Variants in PCDHGA1 observed in about 807,000 individuals in gnomAD.
PCDHGA1 encodes the protein protocadherin gamma subfamily A, 1.
A neutral mutation model predicts 58.0 loss-of-function variants in PCDHGA1; 32 were observed. The observed-to-expected ratio is 0.55, with a 90% CI of 0.42 to 0.74. The LOEUF is 0.74. Ranked by LOEUF, PCDHGA1 falls within the 30% of genes least tolerant of loss-of-function variation. The pLI is 0.00. For missense variants in PCDHGA1, 1,205 were observed against 1,182.3 expected, an observed-to-expected ratio of 1.02 and a Z score of -0.28; for synonymous variants, 498 against 501.1, an observed-to-expected ratio of 0.99 and a Z score of 0.08.
chr5:141,415,740 G>GTTTTTTTTTTTTTTTTTTTTTTTTTT, intron 1 of PCDHGA1: 11 of 617,992 alleles, frequency 1.8e-5, no homozygotes, highest in Middle Eastern at 5.6e-4. Context: ...GTTTATTAAG[G>GTTTTTTTTTTTTTTTTTTTTTTTTTT]TTTTTTTTTT....
At chr5:141,380,260 G>A (rs1776331356) in intron 1 of PCDHGA1, among the ~76,000 whole-genome samples, 1 of 152,114 alleles carries the variant, frequency 6.6e-6, no homozygotes, top group South Asian at 2.1e-4. Context: ...AGGGGAAGGA[G>A]TAAAATCTCA....
In PCDHGA1 at chr5:141,332,687, T is replaced by A. The variant is rs1214345768; in HGVS notation, c.2003T>A (p.Ile668Asn). Residue 668 changes from isoleucine (I) to asparagine (N), a missense_variant, in exon 1 of 4, where the codon ATC becomes AAC. Physicochemically the swap from Ile to Asn is moderately radical, Grantham distance 149. Coordinates refer to ENST00000517417, the MANE Select transcript of PCDHGA1 (RefSeq NM_018912.3). The surrounding 1 kb of genome is among the most constrained non-coding windows in gnomAD (Gnocchi z 4.6). ...VTLTVAVADR[I>N]SDILADLGSL... ...CTCACCGTGGCCGTGGCCGACAGGA[T>A]CTCCGACATCCTGGCCGACCTGGGC... 6.2e-7 allele frequency: 1 copy of A among 1,613,622 alleles called. No individual in the cohort carries two copies. The highest frequency in any genetic ancestry group is 1.3e-5 in the African/African-American group (1 of 74,874).
chr5:141,352,801 C>A, intron 1 of PCDHGA1: 3 of 912,248 alleles, frequency 3.3e-6, no homozygotes, highest in Non-Finnish European at 4.9e-6. Context: ...ACCAGCATAG[C>A]CAAGATGGTA....
intron 1 of PCDHGA1, chr5:141,375,835 C>T (rs772317330): frequency 2.5e-5 from 40 of 1,613,984 alleles, no homozygotes; most frequent in Middle Eastern, 1.6e-4. Context: ...CCGCAGAGCC[C>T]GGCTACCTGG....
At chr5:141,420,386 AT>A (rs2096493306) in intron 1 of PCDHGA1, 1 of 1,284,798 alleles carries the variant, frequency 7.8e-7, no homozygotes, top group African/African-American at 1.5e-5. Flanking sequence ...AGTTCGCAAA[AT>A]ATAGGTCAAA....
At chr5:141,360,406 G>A in intron 1 of PCDHGA1, 1 of 1,613,978 alleles carries the variant, frequency 6.2e-7, no homozygotes. Context: ...TGACAGAATA[G>A]ACCGAGAACA....
chr5:141,394,173 C>T, intron 1 of PCDHGA1: 1 of 1,613,948 alleles, frequency 6.2e-7, no homozygotes, highest in Non-Finnish European at 8.5e-7. Flanking sequence ...TACTTTCCCT[C>T]ATGCCTCCTA....
At position 141,341,077 on chromosome 5, in the gene PCDHGA1, C is replaced by A. The variant is rs768909381; in HGVS notation, c.2421+7972C>A. ...TGGTGGCGGTGGCCGCGGTCTCCTG[C>A]GTCTTCCTGGCCTTCGTCATCGTGT... On this transcript the variant is annotated intron_variant, in intron 1 of 3. Transcript: ENST00000517417. 9 of 1,614,196 alleles carry A rather than the reference C, an allele frequency of 5.6e-6. No homozygotes were observed. The East Asian group carries it at 1.6e-4, about 28-fold the overall frequency.
At chr5:141,482,862 A>G (rs1169526338) in intron 1 of PCDHGA1, among the ~76,000 whole-genome samples, 1 of 152,180 alleles carries the variant, frequency 6.6e-6, no homozygotes, top group Non-Finnish European at 1.5e-5. Context: ...ACTTGAGGTC[A>G]GGAGTTTGAA....
In PCDHGA1 at chr5:141,413,895, T is replaced by C. The variant is rs749075692; in HGVS notation, c.2421+80790T>C. On this transcript the variant is annotated intron_variant, in intron 1 of 3. Transcript: ENST00000517417. ...TCAGTGTGACTGTCTTCGATGCAAATGACAACGCGCCGGTCTTCACCTTGC... is the reference window on the plus strand; with the variant it reads ...TCAGTGTGACTGTCTTCGATGCAAACGACAACGCGCCGGTCTTCACCTTGC... 7 of 1,613,190 alleles carry C rather than the reference T, an allele frequency of 4.3e-6. No individual in the cohort carries two copies. The South Asian group carries it at 6.6e-5, about 15-fold the overall frequency.
At chr5:141,352,268 G>A in intron 1 of PCDHGA1, 1 of 1,614,092 alleles carries the variant, frequency 6.2e-7, no homozygotes, top group Non-Finnish European at 8.5e-7. Context: ...GGTATTGCCA[G>A]ACCTCAGCGA....
intron 1 of PCDHGA1, chr5:141,422,741 A>G (rs1319821802): frequency 6.2e-7 from 1 of 1,610,084 alleles, no homozygotes; most frequent in Non-Finnish European, 8.5e-7. Flanking sequence ...CTGTCCTCCT[A>G]TGTCTCTATT....
intron 1 of PCDHGA1, chr5:141,410,374 G>A: frequency 6.2e-7 from 1 of 1,613,976 alleles, no homozygotes; most frequent in Non-Finnish European, 8.5e-7. Flanking sequence ...CTGCTACTTG[G>A]GACTGCTTCC....
chr5:141,432,706 C>T lies in PCDHGA1; in HGVS notation c.2422-62101C>T, dbSNP rs761752571. ...GCCTCGTAGTGGCCGTCCAGGACCA[C>T]GGCCAGCCCCCTCTCTCCGCCACTG... On this transcript the variant is annotated intron_variant, in intron 1 of 3. Transcript: ENST00000517417. The surrounding 1 kb of genome is among the most constrained non-coding windows in gnomAD (Gnocchi z 6.0). 10 of 1,613,870 alleles carry T rather than the reference C, an allele frequency of 6.2e-6. No homozygotes were observed. The East Asian group carries it at 1.1e-4, about 18-fold the overall frequency.
chr5:141,420,845 G>T (rs1038454602), intron 1 of PCDHGA1, among the ~76,000 whole-genome samples: 4 of 152,200 alleles, frequency 2.6e-5, no homozygotes, highest in Non-Finnish European at 4.4e-5. Context: ...GGTGTTCTTG[G>T]TAAAGTTTTA....
intron 1 of PCDHGA1, among the ~76,000 whole-genome samples, chr5:141,466,183 T>G (rs145148468): frequency 2.0e-5 from 3 of 152,138 alleles, no homozygotes; most frequent in Middle Eastern, 3.4e-3. Flanking sequence ...TATTTTTATT[T>G]TTTTTCAGAC....
chr5:141,455,006 G>A (rs1194194759), intron 1 of PCDHGA1, among the ~76,000 whole-genome samples: 2 of 150,910 alleles, frequency 1.3e-5, no homozygotes, highest in Non-Finnish European at 3.0e-5. Flanking sequence ...TAGAGACGGG[G>A]TTTCACCGTG....
chr5:141,408,878 G>A lies in PCDHGA1; in HGVS notation c.2421+75773G>A. The stretch of plus-strand genomic sequence containing the variant: ...AGGGGACCCACCAAGAAGTGCCACC[G>A]CTCACATAGAAATTTCTGTCAAGGA... On this transcript the variant is annotated intron_variant, in intron 1 of 3. Coordinates refer to ENST00000517417, the MANE Select transcript of PCDHGA1 (RefSeq NM_018912.3). 1.9e-6 allele frequency: 3 copies of A among 1,613,048 alleles called. No homozygotes were observed. Among genetic ancestry groups the A allele is most frequent in the Non-Finnish European group, 1.7e-6 (2 of 1,179,590 alleles).
At chr5:141,446,621 C>T (rs1284919173) in intron 1 of PCDHGA1, among the ~76,000 whole-genome samples, 2 of 152,094 alleles carry the variant, frequency 1.3e-5, no homozygotes, top group Non-Finnish European at 2.9e-5. Flanking sequence ...GGACTACAGG[C>T]GTGCACCACC....
Sources: allele counts gnomAD v4.1 joint callset (sites outside exome capture counted in the v4.1 genomes callset), GRCh38; gene constraint gnomAD v4.1.1; non-coding constraint Gnocchi (gnomAD v3.1); transcripts MANE v1.5; gene names NCBI Gene and HGNC (gene_info 2026-07-23, HGNC 2026-07-21).